GIN1: variants seen among roughly 807,000 people sequenced by gnomAD.
GIN1 encodes the protein gypsy retrotransposon integrase-like protein 1.
A neutral mutation model predicts 51.4 loss-of-function variants in GIN1; 41 were observed. That is an observed-to-expected ratio of 0.80 (90% CI 0.62 to 1.04). The LOEUF (loss-of-function observed/expected upper bound fraction) is 1.04, where lower values mean the gene tolerates loss of function less well. Ranked by LOEUF, GIN1 falls within the 50% of genes least tolerant of loss-of-function variation. The pLI is 0.00. For synonymous variants in GIN1, 222 were observed against 206.5 expected, an observed-to-expected ratio of 1.07 and a Z score of -0.64; for missense variants, 610 against 612.4, an observed-to-expected ratio of 1.00 and a Z score of 0.04.
chr5:103,102,636 G>C (rs1787605605), intron 4 of GIN1: 1 of 152,194 alleles, frequency 6.6e-6, no homozygotes, highest in South Asian at 2.1e-4. Context: ...AAAGGGCTGG[G>C]TGCGGTAGCT....
chr5:103,091,068 G>T (rs538522361), intron 7 of GIN1, among the ~76,000 whole-genome samples: 1 of 152,140 alleles, frequency 6.6e-6, no homozygotes, highest in South Asian at 2.1e-4. Context: ...AGGCCTGTTT[G>T]TTTACAAAAA....
chr5:103,095,100 T>G (rs533257850), intron 7 of GIN1, among the ~76,000 whole-genome samples: 4 of 152,334 alleles, frequency 2.6e-5, no homozygotes, highest in African/African-American at 9.6e-5. Flanking sequence ...ACTCTTTTTG[T>G]TATTAATATT....
intron 4 of GIN1, 131 bp downstream of exon 4, chr5:103,104,410 C>T: frequency 1.7e-6 from 1 of 575,240 alleles, no homozygotes; most frequent in Non-Finnish European, 3.1e-6. Flanking sequence ...TATTTAATAT[C>T]ATACCTCTAT....
Position 103,106,790 on chromosome 5 carries a change from C to T in GIN1, c.259G>A (p.Gly87Ser). 2 of 1,604,896 alleles carry T rather than the reference C, an allele frequency of 1.2e-6. No individual in the cohort carries two copies. The highest frequency in any genetic ancestry group is 2.7e-5 in the African/African-American group (2 of 74,610). Residue 87 changes from glycine (G) to serine (S), a missense_variant, in exon 3 of 8, where the codon GGT becomes AGT. Physicochemically the swap from Gly to Ser is moderately conservative, Grantham distance 56. Transcript: ENST00000399004. ...ACCAGAGTGAGGGTCCTGGATATAC[C>T]ATGATGAGCTCCACTGTCATTTTCA... ...CHENDSGAHHGISRTLTLVES... is the reference protein window; with the variant it reads ...CHENDSGAHHSISRTLTLVES...
At chr5:103,095,309 C>T (rs551563795) in intron 7 of GIN1, among the ~76,000 whole-genome samples, 2 of 152,198 alleles carry the variant, frequency 1.3e-5, no homozygotes, top group East Asian at 1.9e-4. Flanking sequence ...GGAACATAAT[C>T]TAAAAGCCAT....
In GIN1 at chr5:103,087,857, TTATATTCTAAACAAACAATTTAAA is replaced by T. The variant is rs782125150; in HGVS notation, c.*17_*40del. On this transcript the variant is annotated 3_prime_UTR_variant, in exon 8 of 8. Transcript: ENST00000399004. ...TAATGAATAAGATATCATTAAGAAT[TTATATTCTAAACAAACAATTTAAA>T]TAAATTTTGGTATTTACTAACTTAA... 5.3e-5 allele frequency: 45 copies of T among 844,592 alleles called. No homozygotes were observed. The highest frequency in any genetic ancestry group is 7.1e-4 in the Middle Eastern group (2 of 2,808). 52.3% of individuals were successfully genotyped at this position (844,592 alleles called of 1,614,324 possible). A position where few individuals can be genotyped will look rare whatever the true frequency, so the allele number is the denominator to read the frequency against.
intron 3 of GIN1, among the ~76,000 whole-genome samples, chr5:103,105,606 C>A (rs914209163): frequency 2.6e-5 from 4 of 152,070 alleles, no homozygotes; most frequent in Non-Finnish European, 5.9e-5. Flanking sequence ...CCATGCTGTC[C>A]TGCAGCTTTC....
In GIN1 at chr5:103,087,978, T is replaced by C. The variant is rs1204504004; in HGVS notation, c.1489A>G (p.Ile497Val). ...EYRNTKISPL[I>V]DDHSSLEKQT... ...TTTTCAAGAGAACTATGATCGTCTA[T>C]CAATGGAGAGATTTTCGTATTTCTA... The change falls in exon 8 of 8, where the codon ATA becomes GTA. Residue 497 changes from isoleucine to valine, a missense_variant. Transcript: ENST00000399004. The C allele has an allele frequency of 6.3e-7, 1 of 1,596,550 alleles. No individual in the cohort carries two copies. The highest frequency in any genetic ancestry group is 1.3e-5 in the African/African-American group (1 of 74,702).
Position 103,096,754 on chromosome 5 carries a change from G to T in GIN1, c.1081C>A (p.Pro361Thr), listed in dbSNP as rs781874430. ...IVKKKPKQLN[P>T]FHLKVGHEVL... ...TCATGACCCACTTTTAAATGAAATGGATTTAATTGTTTGGGTTTCTTTTTA... is the reference window on the plus strand; with the variant it reads ...TCATGACCCACTTTTAAATGAAATGTATTTAATTGTTTGGGTTTCTTTTTA... Residue 361 changes from proline (P) to threonine (T), a missense_variant, in exon 7 of 8, where the codon CCA (proline) becomes ACA (threonine). Pro to Thr is a conservative substitution (Grantham distance 38). Transcript: ENST00000399004. The T allele has an allele frequency of 1.2e-6, 2 of 1,610,044 alleles. No individual in the cohort carries two copies. Among genetic ancestry groups the T allele is most frequent in the Non-Finnish European group, 1.7e-6 (2 of 1,176,374 alleles).
chr5:103,090,867 G>A (rs552738639), intron 7 of GIN1, among the ~76,000 whole-genome samples: 1 of 151,830 alleles, frequency 6.6e-6, no homozygotes, highest in South Asian at 2.1e-4. Context: ...TTTTAAGAGA[G>A]CTTCTGTATG....
At chr5:103,106,687 T>A in intron 3 of GIN1, 29 bp downstream of exon 3, 1 of 1,276,488 alleles carries the variant, frequency 7.8e-7, no homozygotes, top group Non-Finnish European at 1.1e-6. Context: ...AAGACATTAT[T>A]CATAATACTC....
chr5:103,089,139 C>T (rs1280690362), intron 7 of GIN1, among the ~76,000 whole-genome samples: 1 of 152,124 alleles, frequency 6.6e-6, no homozygotes, highest in Non-Finnish European at 1.5e-5. Flanking sequence ...CTAAGCCATA[C>T]TGAAGTACTG....
chr5:103,090,445 G>A (rs1787205483), intron 7 of GIN1, among the ~76,000 whole-genome samples: 1 of 152,350 alleles, frequency 6.6e-6, no homozygotes. Flanking sequence ...TAATACGAGA[G>A]AAGGCTAGGC....
Position 103,108,812 on chromosome 5 carries a change from C to T in GIN1, c.-7-98G>A, listed in dbSNP as rs192580397. The T allele has an allele frequency of 1.4e-4, 106 of 744,052 alleles. 1 individual carries two copies. The Admixed American group carries it at 1.9e-3, about 13-fold the overall frequency. The allele number at this position is 744,052 out of a possible 1,614,324, so 46.1% of individuals were successfully genotyped here. A position where few individuals can be genotyped will look rare whatever the true frequency, so the allele number is the denominator to read the frequency against. ...GTCATATTTCTATTTACATATGAAC[C>T]GAGAATTCCCAGAATTTATTTGTGA... is the stretch of plus-strand genomic sequence containing the variant. On this transcript the variant is annotated intron_variant, in intron 1 of 7. Transcript: ENST00000399004.
intron 4 of GIN1, among the ~76,000 whole-genome samples, chr5:103,098,180 T>A (rs1180513968): frequency 1.3e-5 from 2 of 152,044 alleles, no homozygotes; most frequent in African/African-American, 4.8e-5. Context: ...TGCGCCTGGC[T>A]GAATCTTGCT....
intron 4 of GIN1, chr5:103,102,278 C>T (rs1787596279): frequency 6.6e-6 from 1 of 152,104 alleles, no homozygotes; most frequent in Non-Finnish European, 1.5e-5. Flanking sequence ...CATGATCCTC[C>T]TCTACTAGAC....
chr5:103,116,578 C>T (rs142560851), intron 1 of GIN1, among the ~76,000 whole-genome samples: 252 of 151,994 alleles, frequency 1.7e-3, no homozygotes, highest in African/African-American at 5.8e-3. Flanking sequence ...GCTTCCCAGA[C>T]AGCAAAGAAA....
In GIN1 at chr5:103,088,070, T is replaced by C; in HGVS notation, c.1397A>G (p.Asp466Gly). 1 of 1,610,452 alleles carries C rather than the reference T, an allele frequency of 6.2e-7. No homozygotes were observed. Among genetic ancestry groups the C allele is most frequent in the South Asian group, 1.1e-5 (1 of 90,996 alleles). The change falls in exon 8 of 8, where the codon GAT becomes GGT. Residue 466 changes from aspartate to glycine, a missense_variant. Physicochemically the swap from Asp to Gly is moderately conservative, Grantham distance 94. Coordinates refer to ENST00000399004, the MANE Select transcript of GIN1 (RefSeq NM_017676.2). ...ATTATCGACTATACCAATAGTTGCA[T>C]CTTCCACCAGAATATTTGCTTGATA... ...GAYQANILVE[D>G]ATIGIVDNEL...
chr5:103,115,938 A>G (rs1443615899), intron 1 of GIN1, among the ~76,000 whole-genome samples: 3 of 152,138 alleles, frequency 2.0e-5, no homozygotes, highest in African/African-American at 7.2e-5. Flanking sequence ...TAACCATGGA[A>G]GAAAATTATT....
Sources: allele counts gnomAD v4.1 joint callset (sites outside exome capture counted in the v4.1 genomes callset), GRCh38; gene constraint gnomAD v4.1.1; transcripts MANE v1.5; gene names NCBI Gene and HGNC (gene_info 2026-07-23, HGNC 2026-07-21).